DRC2: variants seen among roughly 807,000 people sequenced by gnomAD.
DRC2 encodes dynein regulatory complex subunit 2.
chr12:48,914,613 G>A, the DRC2 span: 2 of 1,597,960 alleles, frequency 1.3e-6, no homozygotes, highest in Non-Finnish European at 1.7e-6. Flanking sequence ...TGAATCCAGG[G>A]GAGTGCCCAG....
the DRC2 span, chr12:48,918,065 T>C: frequency 1.9e-6 from 1 of 517,006 alleles, no homozygotes; most frequent in Non-Finnish European, 3.4e-6. Flanking sequence ...TCCTCCCAAA[T>C]GCAGCATTTC....
the DRC2 span, chr12:48,914,366 T>C: frequency 1.3e-6 from 2 of 1,545,404 alleles, no homozygotes; most frequent in Non-Finnish European, 1.8e-6. Context: ...ACAGAGATGC[T>C]ATTCAGCTGG....
At chr12:48,907,214 CA>C in the DRC2 span, among the ~76,000 whole-genome samples, 3 of 151,224 alleles carry the variant, frequency 2.0e-5, no homozygotes, top group Non-Finnish European at 4.4e-5. Flanking sequence ...GACTCCGTCT[CA>C]AAAAAAACAA....
the DRC2 span, chr12:48,914,521 G>A: frequency 6.2e-7 from 1 of 1,614,196 alleles, no homozygotes; most frequent in East Asian, 2.2e-5. Flanking sequence ...TCTCCTGGAG[G>A]AAAGTTACAA....
the DRC2 span, among the ~76,000 whole-genome samples, chr12:48,912,998 G>A: frequency 5.9e-3 from 893 of 151,788 alleles, 4 homozygotes; most frequent in Non-Finnish European, 9.0e-3. Context: ...TTAGCTGGTC[G>A]TGGTGGCATG....
At chr12:48,915,905 T>G in the DRC2 span, among the ~76,000 whole-genome samples, 3 of 127,206 alleles carry the variant, frequency 2.4e-5, no homozygotes, top group African/African-American at 9.2e-5. Context: ...GCAGAGACGC[T>G]CCTCACCTCC....
the DRC2 span, chr12:48,904,868 C>T: frequency 1.6e-6 from 2 of 1,261,402 alleles, no homozygotes; most frequent in Non-Finnish European, 2.2e-6. Flanking sequence ...AAGGTGTCAG[C>T]TGATAAATTA....
the DRC2 span, chr12:48,919,055 C>A: frequency 2.7e-5 from 16 of 595,576 alleles, no homozygotes; most frequent in Admixed American, 4.5e-4. Context: ...TTCCTCCCCT[C>A]TTACATTAAA....
chr12:48,918,921 ACT>A, the DRC2 span: 1 of 1,596,332 alleles, frequency 6.3e-7, no homozygotes, highest in Non-Finnish European at 8.6e-7. Context: ...AGGGGAGAGG[ACT>A]ATCAGAATAA....
chr12:48,915,155 A>G, the DRC2 span, among the ~76,000 whole-genome samples: 2 of 134,554 alleles, frequency 1.5e-5, no homozygotes, highest in African/African-American at 5.7e-5. Flanking sequence ...GGTGTTTCTC[A>G]CAGAGGGGGA....
At chr12:48,904,992 A>G in the DRC2 span, 1 of 1,613,362 alleles carries the variant, frequency 6.2e-7, no homozygotes, top group Admixed American at 1.7e-5. Flanking sequence ...AACCTTAATA[A>G]GATTAACACA....
chr12:48,911,575 A>C, the DRC2 span, among the ~76,000 whole-genome samples: 1 of 151,780 alleles, frequency 6.6e-6, no homozygotes, highest in African/African-American at 2.4e-5. Context: ...AAGAAATAGA[A>C]ATAGAGATGG....
At chr12:48,918,383 C>T in the DRC2 span, 9 of 1,613,970 alleles carry the variant, frequency 5.6e-6, no homozygotes, top group South Asian at 4.4e-5. Context: ...CACAGAGGAT[C>T]GAAAGGCTGC....
At chr12:48,920,434 T>C in the DRC2 span, among the ~76,000 whole-genome samples, 2 of 57,122 alleles carry the variant, frequency 3.5e-5, no homozygotes, top group African/African-American at 1.2e-4. Flanking sequence ...AGAGCGAAAC[T>C]CCATCTTAAA....
the DRC2 span, chr12:48,918,810 A>C: frequency 1.9e-6 from 3 of 1,613,892 alleles, no homozygotes; most frequent in Non-Finnish European, 8.5e-7. Context: ...AGGCCCAAAG[A>C]ACTCAGGCCC....
At chr12:48,912,437 C>CAAAAAAAAAAAAAAAAAAAAAACAAAAA in the DRC2 span, among the ~76,000 whole-genome samples, 1 of 45,356 alleles carries the variant, frequency 2.2e-5, no homozygotes, top group African/African-American at 9.7e-5. Context: ...GACGCCGTCT[C>CAAAAAAAAAAAAAAAAAAAAAACAAAAA]AAAAAAAAAA....
At chr12:48,915,799 C>T in the DRC2 span, among the ~76,000 whole-genome samples, 3 of 151,528 alleles carry the variant, frequency 2.0e-5, no homozygotes, top group Admixed American at 2.0e-4. Flanking sequence ...ACCTCCCTCC[C>T]GGACGGGGTG....
chr12:48,919,552 C>T, the DRC2 span, among the ~76,000 whole-genome samples: 1 of 151,226 alleles, frequency 6.6e-6, no homozygotes, highest in Non-Finnish European at 1.5e-5. Flanking sequence ...TTTATTCACT[C>T]TGTTGCCCCG....
At chr12:48,919,643 G>A in the DRC2 span, among the ~76,000 whole-genome samples, 3 of 151,856 alleles carry the variant, frequency 2.0e-5, no homozygotes, top group Non-Finnish European at 4.4e-5. Context: ...TCAGCCTCCT[G>A]AGTAGCTGGA....
Sources: allele counts gnomAD v4.1 joint callset (sites outside exome capture counted in the v4.1 genomes callset), GRCh38; gene constraint gnomAD v4.1.1; transcripts MANE v1.5; gene names NCBI Gene and HGNC (gene_info 2026-07-23, HGNC 2026-07-21).